The following DLG2 variants were observed in gnomAD, a reference collection of about 807,000 sequenced individuals.
The protein encoded by DLG2 is discs large MAGUK scaffold protein 2.
In DLG2, 45 loss-of-function variants were observed where a neutral mutation model predicts 132.5. The ratio of observed to expected loss-of-function variants is 0.34; its 90% CI spans 0.27 to 0.44. The LOEUF is 0.44. Ranked by LOEUF, DLG2 falls within the 20% of genes least tolerant of loss-of-function variation. DLG2 has a pLI of 1.00. For missense variants in DLG2, 1,045 were observed against 1,196.9 expected, an observed-to-expected ratio of 0.87 and a Z score of 1.87; for synonymous variants, 424 against 419.6, an observed-to-expected ratio of 1.01 and a Z score of -0.13.
intron 4 of DLG2, among the ~76,000 whole-genome samples, chr11:85,240,476 A>T (rs955365753): frequency 5.9e-5 from 9 of 151,664 alleles, no homozygotes; most frequent in African/African-American, 2.2e-4. Flanking sequence ...TTTTATATTT[A>T]AAAAAAATCA....
At chr11:85,446,263 A>G (rs745931340) in intron 3 of DLG2, among the ~76,000 whole-genome samples, 1 of 152,234 alleles carries the variant, frequency 6.6e-6, no homozygotes, top group Non-Finnish European at 1.5e-5. Context: ...AAAATGTACA[A>G]TCTAATCATG....
chr11:85,565,531 C>T (rs1483219557), intron 3 of DLG2, among the ~76,000 whole-genome samples: 1 of 152,094 alleles, frequency 6.6e-6, no homozygotes, highest in Non-Finnish European at 1.5e-5. Context: ...CCCTTAGCCT[C>T]TAGCAAACAC....
intron 3 of DLG2, among the ~76,000 whole-genome samples, chr11:85,499,183 C>T (rs2093736915): frequency 6.6e-6 from 1 of 151,208 alleles, no homozygotes; most frequent in Admixed American, 6.6e-5. Flanking sequence ...AAAAGATAAA[C>T]AAAATAGACC....
At chr11:84,850,676 G>A (rs2082066891) in intron 6 of DLG2, among the ~76,000 whole-genome samples, 2 of 151,916 alleles carry the variant, frequency 1.3e-5, no homozygotes, top group South Asian at 2.1e-4. Context: ...AAAGCTAATA[G>A]AATAAACAGA....
intron 6 of DLG2, among the ~76,000 whole-genome samples, chr11:84,830,560 A>G (rs945069871): frequency 2.0e-5 from 3 of 151,574 alleles, no homozygotes; most frequent in Non-Finnish European, 4.4e-5. Context: ...GCCTTCCCAC[A>G]CAAGTCCCAA....
intron 14 of DLG2, among the ~76,000 whole-genome samples, chr11:83,954,780 C>T (rs540378278): frequency 2.1e-4 from 32 of 152,174 alleles, no homozygotes; most frequent in Non-Finnish European, 3.8e-4. Flanking sequence ...AACTGATAGA[C>T]TAGTTTATAC....
intron 18 of DLG2, among the ~76,000 whole-genome samples, chr11:83,724,455 C>G (rs1269230189): frequency 5.2e-5 from 6 of 115,706 alleles, no homozygotes; most frequent in African/African-American, 1.6e-4. Flanking sequence ...CAATCTCTCT[C>G]TCCGTGTGTG....
Position 85,478,509 on chromosome 11 carries a change from C to A in DLG2, c.40+120148G>T, listed in dbSNP as rs183433580. Among the ~76,000 whole-genome samples the A allele has an allele frequency of 3.6e-4, 55 of 152,294 alleles. 1 individual carries two copies. The highest frequency in any genetic ancestry group is 2.0e-3 in the Admixed American group (30 of 15,296). On this transcript the variant is annotated intron_variant, in intron 3 of 27. Coordinates refer to ENST00000376104, the MANE Select transcript of DLG2 (RefSeq NM_001142699.3). ...CTTGATTACTAAATTTCTCAATTAT[C>A]TTTGCTTTATCTACAATGTGAAATT...
At chr11:85,513,588 A>G (rs997069888) in intron 3 of DLG2, among the ~76,000 whole-genome samples, 12 of 151,852 alleles carry the variant, frequency 7.9e-5, no homozygotes, top group Admixed American at 3.3e-4. Context: ...TTTCACTAGT[A>G]TATCTTCTTG....
chr11:83,749,063 G>A (rs2093125574), intron 18 of DLG2, among the ~76,000 whole-genome samples: 1 of 152,082 alleles, frequency 6.6e-6, no homozygotes, highest in Non-Finnish European at 1.5e-5. Flanking sequence ...TTCATTAGTG[G>A]TCATGGCTCC....
chr11:85,134,508 A>G (rs7952515), intron 5 of DLG2, among the ~76,000 whole-genome samples: 11,197 of 139,804 alleles, frequency 0.08, 669 homozygotes, highest in African/African-American at 0.15. Context: ...CAGCCTGGGC[A>G]ACAGAGCGAG....
chr11:83,868,141 T>C (rs1440332284), intron 16 of DLG2, among the ~76,000 whole-genome samples: 1 of 152,044 alleles, frequency 6.6e-6, no homozygotes, highest in African/African-American at 2.4e-5. Context: ...TCCTAATGAA[T>C]CCCCTCGTTT....
At chr11:84,152,680 C>A (rs2095330468) in intron 9 of DLG2, among the ~76,000 whole-genome samples, 1 of 152,116 alleles carries the variant, frequency 6.6e-6, no homozygotes, top group South Asian at 2.1e-4. Flanking sequence ...GCCACCGCGC[C>A]CGGCCTCTTT....
intron 7 of DLG2, among the ~76,000 whole-genome samples, chr11:84,432,339 A>G (rs1372070811): frequency 6.6e-6 from 1 of 152,218 alleles, no homozygotes; most frequent in Non-Finnish European, 1.5e-5. Flanking sequence ...GGTACAAGGT[A>G]TGATGACAGA....
At chr11:83,859,313 G>A (rs974146636) in intron 16 of DLG2, among the ~76,000 whole-genome samples, 1 of 152,220 alleles carries the variant, frequency 6.6e-6, no homozygotes, top group African/African-American at 2.4e-5. Flanking sequence ...ACTCCCTAGA[G>A]ACTTGTTGAA....
In DLG2 at chr11:84,213,499, T is replaced by A. The variant is rs1000027618; in HGVS notation, c.573+37739A>T. On this transcript the variant is annotated intron_variant, in intron 8 of 27. Coordinates refer to ENST00000376104, the MANE Select transcript of DLG2 (RefSeq NM_001142699.3). ...AAGAGTTTATTAAAAATGTAAAATT[T>A]CCAGACTTAAGACCTACTAAATTAG... is the stretch of plus-strand genomic sequence containing the variant. 2.0e-5 allele frequency among the ~76,000 whole-genome samples: 3 copies of A among 152,032 alleles called. No homozygotes were observed. In the South Asian group the frequency reaches 6.2e-4, roughly 32 times the overall value.
chr11:84,668,635 T>C (rs2099702392), intron 6 of DLG2, among the ~76,000 whole-genome samples: 1 of 152,134 alleles, frequency 6.6e-6, no homozygotes, highest in Non-Finnish European at 1.5e-5. Flanking sequence ...CACAAACACT[T>C]TCAAAACATT....
chr11:83,890,437 T>A (rs1423726974), intron 15 of DLG2, among the ~76,000 whole-genome samples: 1 of 152,194 alleles, frequency 6.6e-6, no homozygotes, highest in African/African-American at 2.4e-5. Flanking sequence ...TTCCTTGTTT[T>A]GATTTTTCCT....
chr11:83,980,348 T>C (rs970629773), intron 12 of DLG2, among the ~76,000 whole-genome samples, 158 bp downstream of exon 12: 5 of 152,192 alleles, frequency 3.3e-5, no homozygotes, highest in Non-Finnish European at 5.9e-5. Context: ...ACCTTGGACT[T>C]TGTAGTCTCC....
Sources: gnomAD v4.1 joint callset for allele counts (sites outside exome capture counted in the v4.1 genomes callset) on GRCh38, gnomAD v4.1.1 for gene constraint, MANE v1.5 for transcripts, NCBI Gene and HGNC (gene_info 2026-07-23, HGNC 2026-07-21) for gene names.